Variants in IKZF3 observed in about 807,000 individuals in gnomAD.
IKZF3 encodes the protein IKAROS family zinc finger 3, also known as zinc finger protein Aiolos.
In IKZF3, 10 loss-of-function variants were observed where a neutral mutation model predicts 49.0. The observed-to-expected ratio is 0.20, with a 90% CI of 0.13 to 0.35. The LOEUF is 0.35. Ranked by LOEUF, IKZF3 falls within the 10% of genes least tolerant of loss-of-function variation. The pLI is 1.00. For synonymous variants in IKZF3, 209 were observed against 228.2 expected (o/e 0.92, Z 0.76); for missense variants, 498 against 664.8 (o/e 0.75, Z 2.76).
chr17:39,835,460 G>A (rs932561932), intron 1 of IKZF3: 14 of 452,434 alleles, frequency 3.1e-5, no homozygotes, highest in African/African-American at 6.1e-5. Context: ...GACTGGAGCC[G>A]GCTGATGTTC....
chr17:39,829,367 G>C lies in IKZF3; in HGVS notation c.163+20C>G, dbSNP rs201233688. The stretch of plus-strand genomic sequence containing the variant: ...CAATATCTACAGGCATCAGTGTTTA[G>C]TCTGCACACTACGGCTCACCTCCTA... On this transcript the variant is annotated intron_variant, in intron 3 of 7. Coordinates refer to ENST00000346872, the MANE Select transcript of IKZF3 (RefSeq NM_012481.5). 4 of 1,549,108 alleles carry C rather than the reference G, an allele frequency of 2.6e-6. No homozygotes were observed. In the South Asian group the frequency reaches 4.5e-5, roughly 17 times the overall value.
Position 39,766,237 on chromosome 17 carries a change from C to A in IKZF3, c.1083G>T (p.Lys361Asn). Residue 361 changes from lysine to asparagine, a missense_variant, in exon 8 of 8, where the codon AAG (lysine) becomes AAT (asparagine). Lys to Asn is a moderately conservative substitution (Grantham distance 94). Transcript: ENST00000346872. ...MSNGAPQELE[K>N]KSIHLPEKSV... ...TCTTCTCTGGAAGGTGGATGCTTTT[C>A]TTTTCCAGCTCTTGAGGGGCACCGT... The A allele has an allele frequency of 6.2e-7, 1 of 1,614,166 alleles. No homozygotes were observed. Among genetic ancestry groups the A allele is most frequent in the Non-Finnish European group, 8.5e-7 (1 of 1,180,036 alleles).
At chr17:39,825,513 C>G (rs760950443) in intron 3 of IKZF3, among the ~76,000 whole-genome samples, 12 of 152,140 alleles carry the variant, frequency 7.9e-5, no homozygotes, top group Non-Finnish European at 1.2e-4. Flanking sequence ...TTTAATAATT[C>G]TGGTGGGCTC....
intron 3 of IKZF3, among the ~76,000 whole-genome samples, chr17:39,813,728 T>C (rs1363289662): frequency 6.6e-6 from 1 of 152,122 alleles, no homozygotes; most frequent in Non-Finnish European, 1.5e-5. Context: ...GCTCTGCCCA[T>C]GGTAAGCACT....
intron 6 of IKZF3, among the ~76,000 whole-genome samples, chr17:39,784,726 G>C (rs188980814): frequency 6.6e-6 from 1 of 152,304 alleles, no homozygotes; most frequent in East Asian, 1.9e-4. Flanking sequence ...TTAAAGTGTA[G>C]GGGCTTAACC....
chr17:39,830,314 A>C (rs2062075916), intron 2 of IKZF3, among the ~76,000 whole-genome samples: 1 of 152,236 alleles, frequency 6.6e-6, no homozygotes, highest in Non-Finnish European at 1.5e-5. Flanking sequence ...TATTTGTTTG[A>C]ACATTTACTG....
At position 39,859,898 on chromosome 17, in the gene IKZF3, G is replaced by T. The variant is rs141539954; in HGVS notation, c.7+4222C>A. Among the ~76,000 whole-genome samples the T allele has an allele frequency of 1.6e-3, 236 of 152,126 alleles. 1 individual carries two copies. The highest frequency in any genetic ancestry group is 5.6e-3 in the African/African-American group (231 of 41,512). On this transcript the variant is annotated intron_variant, in intron 1 of 7. Transcript: ENST00000346872. ...AATCACTCAGTTCTTCTCATACATG[G>T]TCTGGAACTATAGCTTGACATATGA...
intron 6 of IKZF3, among the ~76,000 whole-genome samples, chr17:39,783,878 G>A (rs1352925902): frequency 6.6e-6 from 1 of 152,094 alleles, no homozygotes; most frequent in African/African-American, 2.4e-5. Context: ...GCGGTGAGCT[G>A]AGATCGTGCC....
chr17:39,822,149 C>A (rs1470726571), intron 3 of IKZF3, among the ~76,000 whole-genome samples: 1 of 152,114 alleles, frequency 6.6e-6, no homozygotes, highest in Non-Finnish European at 1.5e-5. Context: ...AACTGGAATA[C>A]CCCAGATGAA....
rs573159800 is a variant in IKZF3 at position 39,850,560 on chromosome 17, T to A, written c.7+13560A>T. ...TGTACATATTATAGCATATTATACA[T>A]GTACATATAGTATATAGCATATTAT... On this transcript the variant is annotated intron_variant, in intron 1 of 7. Transcript: ENST00000346872. Among the ~76,000 whole-genome samples the A allele has an allele frequency of 4.2e-5, 5 of 119,882 alleles. No individual in the cohort carries two copies. In the East Asian group the frequency reaches 1.1e-3, roughly 27 times the overall value. The allele number at this position is 119,882 out of a possible 152,430, so 78.6% of individuals were successfully genotyped here. A position where few individuals can be genotyped will look rare whatever the true frequency, so the allele number is the denominator to read the frequency against.
intron 1 of IKZF3, among the ~76,000 whole-genome samples, chr17:39,860,885 G>A (rs1366040245): frequency 6.6e-6 from 1 of 152,092 alleles, no homozygotes; most frequent in Non-Finnish European, 1.5e-5. Context: ...TGTTAAAATT[G>A]GCTTTAAGTG....
At chr17:39,856,532 G>C (rs552897095) in intron 1 of IKZF3, among the ~76,000 whole-genome samples, 1 of 152,108 alleles carries the variant, frequency 6.6e-6, no homozygotes, top group Non-Finnish European at 1.5e-5. Flanking sequence ...CTTTTACAGC[G>C]TGGTGGCTCA....
intron 6 of IKZF3, among the ~76,000 whole-genome samples, chr17:39,785,994 T>C (rs2060865199): frequency 1.3e-5 from 2 of 152,154 alleles, no homozygotes; most frequent in African/African-American, 4.8e-5. Flanking sequence ...ATGTGAAATG[T>C]CCAGAACAGG....
chr17:39,835,013 C>A, intron 1 of IKZF3: 1 of 411,790 alleles, frequency 2.4e-6, no homozygotes, highest in South Asian at 1.9e-5. Flanking sequence ...CCATCGTGGT[C>A]TTGATCTTCT....
rs2060262851 is a variant in IKZF3 at position 39,765,291 on chromosome 17, T to C, written c.*499A>G. 1 of 152,656 alleles carries C rather than the reference T, an allele frequency of 6.6e-6. No homozygotes were observed. 9.5% of individuals were successfully genotyped at this position (152,656 alleles called of 1,614,324 possible). ...CAGATACTTATTTTATGGCTGTTCTTTTACTTACTCTTAGACTGTCATTTA... is the reference window on the plus strand; with the variant it reads ...CAGATACTTATTTTATGGCTGTTCTCTTACTTACTCTTAGACTGTCATTTA... On this transcript the variant is annotated 3_prime_UTR_variant, in exon 8 of 8. Coordinates refer to ENST00000346872, the MANE Select transcript of IKZF3 (RefSeq NM_012481.5).
At chr17:39,821,056 T>A (rs2061797982) in intron 3 of IKZF3, among the ~76,000 whole-genome samples, 2 of 152,056 alleles carry the variant, frequency 1.3e-5, no homozygotes, top group South Asian at 4.1e-4. Context: ...AAAGAAACTT[T>A]TTGAGCTCTG....
chr17:39,771,126 G>A (rs2060430144), intron 7 of IKZF3, among the ~76,000 whole-genome samples: 1 of 152,208 alleles, frequency 6.6e-6, no homozygotes, highest in Non-Finnish European at 1.5e-5. Context: ...ATATGTTTGA[G>A]TGTTAACTGA....
intron 3 of IKZF3, among the ~76,000 whole-genome samples, chr17:39,802,447 A>T (rs1408241981): frequency 6.6e-6 from 1 of 151,424 alleles, no homozygotes; most frequent in Non-Finnish European, 1.5e-5. Flanking sequence ...TCTCTACAAA[A>T]AATCAAAAAA....
Position 39,864,178 on chromosome 17 carries a change from C to T in IKZF3, c.-52G>A. ...CCGCTGTGGCTACTCGGCCTCTCCA[C>T]GTGCTCCTGCCGTCGCCTGGACTCA... is the stretch of plus-strand genomic sequence containing the variant. On this transcript the variant is annotated 5_prime_UTR_variant, in exon 1 of 8. In the 5' UTR this introduces an upstream ATG that the reference lacks. Coordinates refer to ENST00000346872, the MANE Select transcript of IKZF3 (RefSeq NM_012481.5). The T allele has an allele frequency of 1.2e-6, 2 of 1,604,442 alleles. No individual in the cohort carries two copies. The highest frequency in any genetic ancestry group is 1.7e-6 in the Non-Finnish European group (2 of 1,175,610).
Sources: allele counts gnomAD v4.1 joint callset (sites outside exome capture counted in the v4.1 genomes callset), GRCh38; gene constraint gnomAD v4.1.1; transcripts MANE v1.5; gene names NCBI Gene and HGNC (gene_info 2026-07-23, HGNC 2026-07-21).